The following ASAH1 variants were observed in gnomAD, a reference collection of about 807,000 sequenced individuals.
ASAH1 encodes the protein N-acylsphingosine amidohydrolase 1, also known as acid ceramidase.
In ASAH1, 70 loss-of-function variants were observed where a neutral mutation model predicts 59.5. The ratio of observed to expected loss-of-function variants is 1.18; its 90% CI spans 0.97 to 1.43. The LOEUF (loss-of-function observed/expected upper bound fraction) is 1.43, where lower values mean the gene tolerates loss of function less well. ASAH1 is among the 40% of genes most tolerant of loss of function. The probability of loss-of-function intolerance (pLI) is 0.00; values close to 1 mark genes in which losing one functional copy is unlikely to be tolerated. For missense variants in ASAH1, 660 were observed against 482.5 expected (o/e 1.37, Z -3.45); for synonymous variants, 213 against 166.5 (o/e 1.28, Z -2.15).
Position 18,064,572 on chromosome 8 carries a change from G to A in ASAH1, c.383-41C>T, listed in dbSNP as rs1330821558. On this transcript the variant is annotated intron_variant, in intron 5 of 13. Transcript: ENST00000637790. ...ATTTTGTGTTAATATACAGAACCATGACAATGGGAGAAAAATTTGTTTTAA... is the reference window on the plus strand; with the variant it reads ...ATTTTGTGTTAATATACAGAACCATAACAATGGGAGAAAAATTTGTTTTAA... 7 of 1,104,006 alleles carry A rather than the reference G, an allele frequency of 6.3e-6. 1 individual carries two copies. Among genetic ancestry groups the A allele is most frequent in the South Asian group, 1.3e-5 (1 of 76,424 alleles). 68.4% of individuals were successfully genotyped at this position (1,104,006 alleles called of 1,614,324 possible).
Position 18,057,320 on chromosome 8 carries a change from T to G in ASAH1, c.*214A>C, listed in dbSNP as rs1799510178. On this transcript the variant is annotated 3_prime_UTR_variant, in exon 14 of 14. Transcript: ENST00000637790. ...TTCTAGATGACTGTTTTACTTCCCC[T>G]AAAGAAGTTATCTGTAAATAAGAAA... is the stretch of plus-strand genomic sequence containing the variant. 2 of 377,770 alleles carry G rather than the reference T, an allele frequency of 5.3e-6. No homozygotes were observed. Among genetic ancestry groups the G allele is most frequent in the South Asian group, 2.2e-5 (1 of 46,030 alleles). 23.4% of individuals were successfully genotyped at this position (377,770 alleles called of 1,614,324 possible).
intron 1 of ASAH1, among the ~76,000 whole-genome samples, chr8:18,079,031 C>T (rs1394106950): frequency 1.3e-5 from 2 of 152,086 alleles, no homozygotes; most frequent in African/African-American, 4.8e-5. Context: ...AATTCCAGCA[C>T]CTTGGGAGGC....
intron 6 of ASAH1, 185 bp downstream of exon 6, chr8:18,064,272 C>A: frequency 1.6e-6 from 1 of 626,116 alleles, no homozygotes; most frequent in African/African-American, 1.8e-5. Flanking sequence ...ATAGGCAGTA[C>A]AGTAGTCTGA....
intron 1 of ASAH1, among the ~76,000 whole-genome samples, chr8:18,077,183 T>A (rs1800438155): frequency 6.6e-6 from 1 of 152,318 alleles, no homozygotes; most frequent in South Asian, 2.1e-4. Context: ...GACGGTTATA[T>A]CCACAAGAGC....
At position 18,059,709 on chromosome 8, in the gene ASAH1, T is replaced by G. The variant is rs771900362; in HGVS notation, c.786-6A>C. The G allele has an allele frequency of 1.9e-6, 3 of 1,604,420 alleles. 1 individual carries two copies. The highest frequency in any genetic ancestry group is 2.5e-6 in the Non-Finnish European group (3 of 1,176,654). ...AATTCTTGGCTTCTTCATAACTATA[T>G]AGAAACATTTAAAAAGAAAAATGAA... On this transcript the variant is annotated splice_polypyrimidine_tract_variant and splice_region_variant and intron_variant, in intron 10 of 13. Coordinates refer to ENST00000637790, the MANE Select transcript of ASAH1 (RefSeq NM_177924.5).
chr8:18,059,307 C>T, intron 12 of ASAH1, 34 bp downstream of exon 12: 2 of 1,613,964 alleles, frequency 1.2e-6, no homozygotes. Flanking sequence ...TTAATGGCAA[C>T]AGTTTCTTTC....
chr8:18,063,724 T>C (rs1018422827), intron 6 of ASAH1: 3 of 156,824 alleles, frequency 1.9e-5, no homozygotes, highest in East Asian at 3.8e-4. Context: ...TGTCACCGTC[T>C]ATCTGCCAGA....
intron 7 of ASAH1, 177 bp from the exon 8 acceptor site, chr8:18,062,600 T>G (rs779745050): frequency 1.0e-5 from 7 of 701,430 alleles, no homozygotes; most frequent in Non-Finnish European, 7.1e-6. Flanking sequence ...AAAATTGAGG[T>G]TCAGAGAAGT....
At chr8:18,075,213 T>G (rs1468879053) in intron 2 of ASAH1, among the ~76,000 whole-genome samples, 1 of 152,108 alleles carries the variant, frequency 6.6e-6, no homozygotes, top group Admixed American at 6.5e-5. Flanking sequence ...CAGCATGGTC[T>G]CGATCTCCTG....
intron 1 of ASAH1, among the ~76,000 whole-genome samples, chr8:18,079,578 T>A (rs1800563845): frequency 6.6e-6 from 1 of 152,228 alleles, no homozygotes; most frequent in Non-Finnish European, 1.5e-5. Context: ...AAATAATGTA[T>A]GCTTCTAATA....
Position 18,071,039 on chromosome 8 carries a change from C to T in ASAH1, c.216+261G>A, listed in dbSNP as rs926264693. Among the ~76,000 whole-genome samples the T allele has an allele frequency of 2.0e-5, 3 of 151,890 alleles. No homozygotes were observed. The East Asian group carries it at 5.8e-4, about 29-fold the overall frequency. On this transcript the variant is annotated intron_variant, in intron 3 of 13. Transcript: ENST00000637790. ...CTTGGACAACATGGCAAAATCTTGT[C>T]TCTACTAAAAATACAAAAATTAGCC...
upstream of ASAH1, chr8:18,084,251 G>A: frequency 6.9e-7 from 1 of 1,459,488 alleles, no homozygotes; most frequent in Non-Finnish European, 9.0e-7. Context: ...CACGAAAAGG[G>A]TGGCGTAGAG....
chr8:18,060,566 G>C (rs528055213), intron 10 of ASAH1: 3 of 152,218 alleles, frequency 2.0e-5, no homozygotes, highest in Non-Finnish European at 4.4e-5. Flanking sequence ...AATTGAAGTG[G>C]GTTATCAAAG....
rs565777072 is a variant in ASAH1, at chr8:18,064,097, A to G, written c.457+360T>C. 5 of 396,300 alleles carry G rather than the reference A, an allele frequency of 1.3e-5. No individual in the cohort carries two copies. In the South Asian group the frequency reaches 2.3e-4, roughly 18 times the overall value. 24.5% of individuals were successfully genotyped at this position (396,300 alleles called of 1,614,324 possible). A position where few individuals can be genotyped will look rare whatever the true frequency, so the allele number is the denominator to read the frequency against. On this transcript the variant is annotated intron_variant, in intron 6 of 13. Transcript: ENST00000637790. ...GGGAGAATGTGTGTTCTGGGCCTCA[A>G]GAAAAGGACAGATGTCATGACATAC...
chr8:18,069,648 G>C, intron 4 of ASAH1, 144 bp downstream of exon 4: 1 of 614,918 alleles, frequency 1.6e-6, no homozygotes, highest in Non-Finnish European at 2.9e-6. Context: ...CCAAATTTAA[G>C]TCCCTCTGAA....
At chr8:18,076,411 T>G (rs7462961) in intron 1 of ASAH1, 15,782 of 152,206 alleles carry the variant, frequency 0.1, 911 homozygotes, top group African/African-American at 0.13. Flanking sequence ...CTGACGTCAC[T>G]GCCTGAGACA....
intron 5 of ASAH1, chr8:18,066,555 A>C (rs4475528): frequency 2.0e-5 from 3 of 146,858 alleles, no homozygotes; most frequent in Non-Finnish European, 4.5e-5. Flanking sequence ...ACAAAAAAAA[A>C]GGAAAAAAAA....
chr8:18,059,760 C>T (rs1799616073), intron 10 of ASAH1, 57 bp from the exon 11 acceptor site: 3 of 1,474,726 alleles, frequency 2.0e-6, no homozygotes, highest in Admixed American at 2.1e-5. Context: ...TAGTAAATAA[C>T]TTCATTTATT....
chr8:18,069,552 G>A (rs4921833), intron 4 of ASAH1: 1 of 429,006 alleles, frequency 2.3e-6, no homozygotes, highest in East Asian at 4.4e-5. Context: ...ATGAAATATG[G>A]TTATTTGCCC....
Sources: gnomAD v4.1 joint callset for allele counts (sites outside exome capture counted in the v4.1 genomes callset) on GRCh38, gnomAD v4.1.1 for gene constraint, MANE v1.5 for transcripts, NCBI Gene and HGNC (gene_info 2026-07-23, HGNC 2026-07-21) for gene names.